The following ARNT2 variants were observed in gnomAD, a reference collection of about 807,000 sequenced individuals.
The protein encoded by ARNT2 is ARNT protein 2.
Under a neutral mutation model 91.7 loss-of-function variants are expected in ARNT2, and 36 were observed. The ratio of observed to expected loss-of-function variants is 0.39; its 90% CI spans 0.30 to 0.52. The LOEUF (loss-of-function observed/expected upper bound fraction) is 0.52. Among genes scored for constraint, ARNT2 ranks in the 20% least tolerant of loss-of-function variants. The probability of loss-of-function intolerance (pLI) is 0.72; values close to 1 mark genes in which losing one functional copy is unlikely to be tolerated. For missense variants in ARNT2, 775 were observed against 939.3 expected (o/e 0.83, Z 2.29); for synonymous variants, 365 against 347.1 (o/e 1.05, Z -0.57).
intron 5 of ARNT2, among the ~76,000 whole-genome samples, chr15:80,496,352 G>T (rs1897126221): frequency 6.6e-6 from 1 of 152,190 alleles, no homozygotes; most frequent in South Asian, 2.1e-4. Context: ...GGGAGAACTT[G>T]CTCAGCACTG....
At chr15:80,446,042 C>T (rs546635058) in intron 1 of ARNT2, among the ~76,000 whole-genome samples, 24 of 152,264 alleles carry the variant, frequency 1.6e-4, no homozygotes, top group African/African-American at 5.8e-4. Flanking sequence ...CATGTGCTTA[C>T]GCTGTGCCAG....
intron 1 of ARNT2, among the ~76,000 whole-genome samples, chr15:80,449,456 G>C (rs1896355391): frequency 6.6e-6 from 1 of 152,084 alleles, no homozygotes; most frequent in Admixed American, 6.6e-5. Flanking sequence ...ATACTGTCTA[G>C]CTGTCACAAA....
intron 1 of ARNT2, among the ~76,000 whole-genome samples, chr15:80,443,786 T>A (rs952485948): frequency 6.6e-6 from 1 of 152,172 alleles, no homozygotes. Flanking sequence ...GAAGAGCCAC[T>A]GTTTGCCTTC....
chr15:80,570,809 G>C (rs1898570197), intron 12 of ARNT2, among the ~76,000 whole-genome samples: 2 of 152,228 alleles, frequency 1.3e-5, no homozygotes, highest in Admixed American at 1.3e-4. Context: ...CAGGGATCTT[G>C]TGGGTTCTGA....
chr15:80,450,288 C>A (rs1300558560), intron 1 of ARNT2, among the ~76,000 whole-genome samples: 3 of 152,222 alleles, frequency 2.0e-5, no homozygotes, highest in Non-Finnish European at 2.9e-5. Context: ...GCCTGGCCTG[C>A]TATAGCCTGA....
At chr15:80,502,017 G>C (rs1897202726) in intron 5 of ARNT2, among the ~76,000 whole-genome samples, 1 of 152,148 alleles carries the variant, frequency 6.6e-6, no homozygotes, top group Non-Finnish European at 1.5e-5. Context: ...GATTTCTGGG[G>C]CCTCTTACAA....
At chr15:80,535,243 C>T (rs1271972032) in intron 8 of ARNT2, among the ~76,000 whole-genome samples, 1 of 152,128 alleles carries the variant, frequency 6.6e-6, no homozygotes, top group Non-Finnish European at 1.5e-5. Context: ...TCCTTTAGTC[C>T]CAGAGTTAGT....
intron 5 of ARNT2, among the ~76,000 whole-genome samples, chr15:80,478,005 G>A (rs902397268): frequency 6.6e-6 from 1 of 152,184 alleles, no homozygotes; most frequent in African/African-American, 2.4e-5. Context: ...TGATGTTCTT[G>A]TAAAACAGCG....
At chr15:80,499,861 T>G (rs569437541) in intron 5 of ARNT2, among the ~76,000 whole-genome samples, 23 of 152,210 alleles carry the variant, frequency 1.5e-4, no homozygotes, top group Non-Finnish European at 2.8e-4. Flanking sequence ...ATGAGAGCTA[T>G]TTCTCAAGAA....
At chr15:80,415,600 C>T (rs752014021) in intron 1 of ARNT2, among the ~76,000 whole-genome samples, 18 of 152,112 alleles carry the variant, frequency 1.2e-4, no homozygotes, top group Non-Finnish European at 2.1e-4. Flanking sequence ...GAGGCCTGCC[C>T]GGAGGCCATT....
chr15:80,588,152 G>A (rs888930874), intron 17 of ARNT2, among the ~76,000 whole-genome samples: 3 of 152,130 alleles, frequency 2.0e-5, no homozygotes, highest in African/African-American at 7.2e-5. Context: ...GAACTCAGCC[G>A]ACCCCAGCCT....
chr15:80,420,097 AC>A (rs1280657519), intron 1 of ARNT2, among the ~76,000 whole-genome samples: 3 of 152,078 alleles, frequency 2.0e-5, no homozygotes, highest in Non-Finnish European at 2.9e-5. Flanking sequence ...TCACACCAGA[AC>A]CCACATTCTG....
At chr15:80,579,342 C>T (rs1898748579) in intron 15 of ARNT2, among the ~76,000 whole-genome samples, 1 of 152,138 alleles carries the variant, frequency 6.6e-6, no homozygotes, top group Admixed American at 6.5e-5. Flanking sequence ...GAAATGATGT[C>T]CCCTTTATAT....
chr15:80,462,094 G>C (rs924471575), intron 3 of ARNT2, among the ~76,000 whole-genome samples: 46 of 152,110 alleles, frequency 3.0e-4, no homozygotes, highest in Admixed American at 2.2e-3. Context: ...GGAGGCAGAT[G>C]CCAGTCCTGC....
At chr15:80,581,944 A>T (rs144545747) in intron 17 of ARNT2, among the ~76,000 whole-genome samples, 1 of 152,290 alleles carries the variant, frequency 6.6e-6, no homozygotes, top group Non-Finnish European at 1.5e-5. Context: ...CCTCCTCAGC[A>T]TGTCTCCCAG....
At chr15:80,522,760 C>CATATATAT (rs60138286) in intron 8 of ARNT2, among the ~76,000 whole-genome samples, 46 of 144,538 alleles carry the variant, frequency 3.2e-4, no homozygotes, top group African/African-American at 1.1e-3. Flanking sequence ...TGTACATACA[C>CATATATAT]ATATATATAT....
chr15:80,496,118 T>C (rs1897123745), intron 5 of ARNT2, among the ~76,000 whole-genome samples: 1 of 152,214 alleles, frequency 6.6e-6, no homozygotes, highest in Admixed American at 6.5e-5. Flanking sequence ...AGTCAGTTTA[T>C]AGATTCTTGC....
intron 17 of ARNT2, among the ~76,000 whole-genome samples, chr15:80,589,882 T>A (rs2141487844): frequency 6.6e-6 from 1 of 152,334 alleles, no homozygotes; most frequent in East Asian, 1.9e-4. Context: ...ATGTGCACAG[T>A]AGATTTAAAT....
intron 3 of ARNT2, among the ~76,000 whole-genome samples, chr15:80,458,357 C>T (rs1896508183): frequency 1.3e-5 from 2 of 152,016 alleles, no homozygotes; most frequent in South Asian, 4.1e-4. Context: ...GGAATTCATT[C>T]TTCCTGAAAA....
Sources: gnomAD v4.1 joint callset for allele counts (sites outside exome capture counted in the v4.1 genomes callset) on GRCh38, gnomAD v4.1.1 for gene constraint, MANE v1.5 for transcripts, NCBI Gene and HGNC (gene_info 2026-07-23, HGNC 2026-07-21) for gene names.